NKAIN3: variants seen among roughly 807,000 people sequenced by gnomAD.
The protein encoded by NKAIN3 is sodium/potassium-transporting ATPase subunit beta-1-interacting protein 3.
In NKAIN3, 25 loss-of-function variants were observed where a neutral mutation model predicts 30.2. That is an observed-to-expected ratio of 0.83 (90% CI 0.60 to 1.16). The LOEUF is 1.16. Ranked by LOEUF, NKAIN3 falls within the 50% of genes most tolerant of loss-of-function variation. NKAIN3 has a pLI of 0.00. For missense variants in NKAIN3, 225 were observed against 254.1 expected, an observed-to-expected ratio of 0.89 and a Z score of 0.78; for synonymous variants, 91 against 89.6, an observed-to-expected ratio of 1.02 and a Z score of -0.09.
chr8:62,855,201 G>T lies in NKAIN3; in HGVS notation c.472-63252G>T, dbSNP rs533213245. On this transcript the variant is annotated intron_variant, in intron 4 of 6. Coordinates refer to ENST00000623646, the MANE Select transcript of NKAIN3 (RefSeq NM_001304533.3). ...TGTAAAGTCCCTCAACTTCTATTGGGCAGACTCTTCCTAGCTCAGAAGAAA... is the reference window on the plus strand; with the variant it reads ...TGTAAAGTCCCTCAACTTCTATTGGTCAGACTCTTCCTAGCTCAGAAGAAA... The T allele has an allele frequency of 8.7e-5, 29 of 333,232 alleles. No individual in the cohort carries two copies. In the South Asian group the frequency reaches 8.9e-4, roughly 10 times the overall value. The allele number at this position is 333,232 out of a possible 1,614,324, so 20.6% of individuals were successfully genotyped here. A position where few individuals can be genotyped will look rare whatever the true frequency, so the allele number is the denominator to read the frequency against.
chr8:62,360,806 G>C (rs902885479), intron 1 of NKAIN3, among the ~76,000 whole-genome samples: 5 of 152,120 alleles, frequency 3.3e-5, no homozygotes, highest in African/African-American at 2.4e-5. Flanking sequence ...GGGTGCCCCT[G>C]TATTGGGTGC....
intron 3 of NKAIN3, among the ~76,000 whole-genome samples, chr8:62,618,615 A>G (rs893344392): frequency 7.2e-5 from 11 of 152,092 alleles, no homozygotes; most frequent in Admixed American, 3.3e-4. Flanking sequence ...AGAAGAAAGA[A>G]AGAAAGAAGG....
chr8:62,321,936 A>G (rs1334976465), intron 1 of NKAIN3, among the ~76,000 whole-genome samples: 2 of 152,202 alleles, frequency 1.3e-5, no homozygotes, highest in East Asian at 3.9e-4. Context: ...GGTGGAGTCT[A>G]CAGAGGCAGG....
intron 1 of NKAIN3, among the ~76,000 whole-genome samples, chr8:62,452,161 T>C (rs978927468): frequency 6.6e-6 from 1 of 152,110 alleles, no homozygotes. Flanking sequence ...AAACCAAAAG[T>C]GTCCAAGTTT....
At chr8:62,467,861 T>C (rs1177595806) in intron 1 of NKAIN3, among the ~76,000 whole-genome samples, 1 of 152,102 alleles carries the variant, frequency 6.6e-6, no homozygotes, top group African/African-American at 2.4e-5. Flanking sequence ...GACCTTCTGA[T>C]CTCAAGCAAT....
At chr8:62,841,882 A>G (rs1440948901) in intron 4 of NKAIN3, among the ~76,000 whole-genome samples, 5 of 152,186 alleles carry the variant, frequency 3.3e-5, no homozygotes, top group African/African-American at 4.8e-5. Flanking sequence ...AGGAAATTCC[A>G]TACTGGTTTC....
At chr8:62,705,560 GT>G (rs1277065862) in intron 3 of NKAIN3, among the ~76,000 whole-genome samples, 11 of 152,074 alleles carry the variant, frequency 7.2e-5, no homozygotes, top group Non-Finnish European at 1.3e-4. Flanking sequence ...CATATTTTGT[GT>G]CCTTTGCCTT....
At chr8:62,390,676 T>C (rs944796322) in intron 1 of NKAIN3, among the ~76,000 whole-genome samples, 7 of 152,148 alleles carry the variant, frequency 4.6e-5, no homozygotes, top group Non-Finnish European at 1.0e-4. Flanking sequence ...AAGCATTCCT[T>C]TTTCTCCACA....
intron 3 of NKAIN3, among the ~76,000 whole-genome samples, chr8:62,703,930 A>G (rs1814431591): frequency 6.6e-6 from 1 of 152,160 alleles, no homozygotes; most frequent in Non-Finnish European, 1.5e-5. Flanking sequence ...TGAAGCTTGT[A>G]GCATTTGCTC....
At chr8:62,490,920 A>C (rs1807048175) in intron 1 of NKAIN3, among the ~76,000 whole-genome samples, 1 of 152,226 alleles carries the variant, frequency 6.6e-6, no homozygotes, top group Non-Finnish European at 1.5e-5. Context: ...ATTCATGTAT[A>C]GTGCCAGCAC....
chr8:62,724,573 C>A (rs559461414), intron 3 of NKAIN3, among the ~76,000 whole-genome samples: 2 of 152,196 alleles, frequency 1.3e-5, no homozygotes, highest in African/African-American at 4.8e-5. Context: ...TACTCTATAT[C>A]CTAATGAATT....
intron 1 of NKAIN3, among the ~76,000 whole-genome samples, chr8:62,362,051 G>A (rs916490313): frequency 6.6e-6 from 1 of 152,096 alleles, no homozygotes; most frequent in African/African-American, 2.4e-5. Context: ...GGTCTTACTG[G>A]ATGGTTTCCC....
chr8:62,499,686 T>C (rs1807357729), intron 1 of NKAIN3, among the ~76,000 whole-genome samples: 1 of 152,134 alleles, frequency 6.6e-6, no homozygotes, highest in Non-Finnish European at 1.5e-5. Context: ...TTAGGACTTA[T>C]ATATCCCCTT....
intron 3 of NKAIN3, among the ~76,000 whole-genome samples, chr8:62,736,808 G>A (rs951619430): frequency 2.6e-5 from 4 of 152,172 alleles, no homozygotes; most frequent in African/African-American, 7.2e-5. Flanking sequence ...TTTGACTGGC[G>A]AGACACAGGA....
intron 3 of NKAIN3, among the ~76,000 whole-genome samples, chr8:62,621,718 A>T (rs899190687): frequency 2.0e-5 from 3 of 152,038 alleles, no homozygotes; most frequent in Admixed American, 6.6e-5. Context: ...TTTTGGTAAG[A>T]TCCAATTTAT....
At chr8:62,693,272 A>C (rs916534026) in intron 3 of NKAIN3, among the ~76,000 whole-genome samples, 3 of 152,226 alleles carry the variant, frequency 2.0e-5, no homozygotes, top group Non-Finnish European at 4.4e-5. Context: ...TAAGTAAAAA[A>C]TTATTTTTTG....
intron 5 of NKAIN3, among the ~76,000 whole-genome samples, chr8:62,942,704 T>C (rs1320285662): frequency 6.6e-6 from 1 of 151,792 alleles, no homozygotes; most frequent in Non-Finnish European, 1.5e-5. Context: ...TGGAACAAAA[T>C]AGAGAACACA....
intron 3 of NKAIN3, among the ~76,000 whole-genome samples, chr8:62,604,944 A>G (rs1263139424): frequency 6.6e-6 from 1 of 152,112 alleles, no homozygotes; most frequent in African/African-American, 2.4e-5. Context: ...AGAGTCTAGG[A>G]AAATCCTGCT....
At chr8:62,957,629 A>G (rs982726253) in intron 6 of NKAIN3, among the ~76,000 whole-genome samples, 14 of 152,320 alleles carry the variant, frequency 9.2e-5, no homozygotes, top group Middle Eastern at 6.8e-3. Flanking sequence ...TGAAAAGGCT[A>G]CATGCTATAT....
Sources: allele counts gnomAD v4.1 joint callset (sites outside exome capture counted in the v4.1 genomes callset), GRCh38; gene constraint gnomAD v4.1.1; transcripts MANE v1.5; gene names NCBI Gene and HGNC (gene_info 2026-07-23, HGNC 2026-07-21).